The following FAM228B variants were observed in gnomAD, a reference collection of about 807,000 sequenced individuals.
FAM228B encodes the protein protein FAM228B.
A neutral mutation model predicts 42.6 loss-of-function variants in FAM228B; 38 were observed. The ratio of observed to expected loss-of-function variants is 0.89; its 90% CI spans 0.69 to 1.17. FAM228B has a LOEUF of 1.17. FAM228B is among the 50% of genes most tolerant of loss of function. FAM228B has a pLI of 0.00. For missense variants in FAM228B, 344 were observed against 367.3 expected, an observed-to-expected ratio of 0.94 and a Z score of 0.52; for synonymous variants, 109 against 122.3, an observed-to-expected ratio of 0.89 and a Z score of 0.72.
At chr2:24,130,120 A>G (rs753067237) in intron 2 of FAM228B, among the ~76,000 whole-genome samples, 1 of 152,122 alleles carries the variant, frequency 6.6e-6, no homozygotes, top group Non-Finnish European at 1.5e-5. Flanking sequence ...AGCTTCATCT[A>G]TGTCCCTGCA....
intron 2 of FAM228B, among the ~76,000 whole-genome samples, chr2:24,092,962 A>ACACC: frequency 6.6e-6 from 1 of 151,032 alleles, no homozygotes; most frequent in Non-Finnish European, 1.5e-5. Context: ...ACACACACAC[A>ACACC]CACACCATGT....
chr2:24,084,354 GGC>G lies in FAM228B; in HGVS notation c.-210+3400_-210+3401del. The G allele has an allele frequency of 1.7e-5, 23 of 1,389,092 alleles. No individual in the cohort carries two copies. Among genetic ancestry groups the G allele is most frequent in the Middle Eastern group, 1.9e-4 (1 of 5,278 alleles). The allele number at this position is 1,389,092 out of a possible 1,614,324, so 86.0% of individuals were successfully genotyped here. ...TGTCTGAGGACACAGGGCAGGGCAGGGCAGGACAGGACAGGGCAGGGCAGGGC... is the reference window on the plus strand; with the variant it reads ...TGTCTGAGGACACAGGGCAGGGCAGGAGGACAGGACAGGGCAGGGCAGGGC... On this transcript the variant is annotated intron_variant, in intron 2 of 10. Transcript: ENST00000613899. The surrounding 1 kb of genome is among the most constrained non-coding windows in gnomAD (Gnocchi z 8.4).
intron 5 of FAM228B, among the ~76,000 whole-genome samples, chr2:24,143,996 CA>C (rs59639444): frequency 0.012 from 1,521 of 129,244 alleles, 28 homozygotes; most frequent in African/African-American, 0.04. Flanking sequence ...CAGCAGTCTC[CA>C]AAAAAAAAAA....
At chr2:24,161,742 A>G in intron 8 of FAM228B, 129 bp downstream of exon 8, 2 of 645,124 alleles carry the variant, frequency 3.1e-6, no homozygotes, top group Non-Finnish European at 5.5e-6. Flanking sequence ...GTGGCAGGAC[A>G]CCGGGCATCT....
At chr2:24,116,267 G>T (rs1665913651) in intron 3 of FAM228B, among the ~76,000 whole-genome samples, 1 of 151,684 alleles carries the variant, frequency 6.6e-6, no homozygotes, top group South Asian at 2.1e-4. Flanking sequence ...GGCAGAGGTT[G>T]CAATGAGCTG....
At position 24,080,701 on chromosome 2, in the gene FAM228B, G is replaced by A. The variant is rs1392381118; in HGVS notation, c.-289-175G>A. ...ATAGTACTAGAATTTGGCCAGGGCA[G>A]CTGTTGTGCACTTAGCAGAGGTAAG... On this transcript the variant is annotated intron_variant, in intron 1 of 10. Coordinates refer to the FAM228B transcript ENST00000613899. The surrounding 1 kb of genome is among the most constrained non-coding windows in gnomAD (Gnocchi z 4.7). The A allele has an allele frequency of 8.1e-7, 1 of 1,233,402 alleles. No homozygotes were observed. The highest frequency in any genetic ancestry group is 1.2e-6 in the Non-Finnish European group (1 of 859,610). 76.4% of individuals were successfully genotyped at this position (1,233,402 alleles called of 1,614,324 possible). A position where few individuals can be genotyped will look rare whatever the true frequency, so the allele number is the denominator to read the frequency against.
upstream of FAM228B, among the ~76,000 whole-genome samples, chr2:24,119,315 G>C (rs1666023451): frequency 6.6e-6 from 1 of 152,164 alleles, no homozygotes; most frequent in African/African-American, 2.4e-5. Flanking sequence ...GCCAGGAAAG[G>C]AAACAGTTTG....
chr2:24,152,970 C>T (rs1392339363), intron 7 of FAM228B, among the ~76,000 whole-genome samples: 2 of 152,178 alleles, frequency 1.3e-5, no homozygotes, highest in Admixed American at 6.5e-5. Flanking sequence ...CTGTGGCCAC[C>T]ACCACCACTG....
At chr2:24,104,334 G>A (rs1452523483) in intron 3 of FAM228B, among the ~76,000 whole-genome samples, 2 of 152,202 alleles carry the variant, frequency 1.3e-5, no homozygotes, top group South Asian at 4.1e-4. Flanking sequence ...GCCAACTCTC[G>A]AGTCCAAGGG....
At chr2:24,085,771 G>C (rs1665224423) in intron 2 of FAM228B, 1 of 152,232 alleles carries the variant, frequency 6.6e-6, no homozygotes, top group East Asian at 1.9e-4. Context: ...ACTCATTGCA[G>C]TGGTCCCTAA....
chr2:24,154,359 C>CTT (rs757102596), intron 7 of FAM228B, among the ~76,000 whole-genome samples: 2 of 152,134 alleles, frequency 1.3e-5, no homozygotes, highest in Non-Finnish European at 2.9e-5. Flanking sequence ...ATCTGTCTGT[C>CTT]TTCTTTGGTG....
intron 9 of FAM228B, among the ~76,000 whole-genome samples, chr2:24,164,569 CG>C (rs1667357733): frequency 6.7e-6 from 1 of 150,166 alleles, no homozygotes; most frequent in East Asian, 2.0e-4. Context: ...TGGAGCCACA[CG>C]ATGAGGGTGC....
chr2:24,139,891 G>A (rs1218804937), intron 5 of FAM228B, among the ~76,000 whole-genome samples: 6 of 152,044 alleles, frequency 3.9e-5, no homozygotes, highest in Non-Finnish European at 8.8e-5. Context: ...TTATAAGAAT[G>A]GAGTTACATT....
intron 8 of FAM228B, 40 bp from the exon 9 acceptor site, chr2:24,164,158 G>C: frequency 2.0e-6 from 3 of 1,517,086 alleles, no homozygotes; most frequent in Non-Finnish European, 2.7e-6. Flanking sequence ...GTTGAGTTGA[G>C]AGTTAAGAGA....
At chr2:24,087,139 G>A (rs904403382) in intron 2 of FAM228B, 4 of 152,214 alleles carry the variant, frequency 2.6e-5, no homozygotes, top group Non-Finnish European at 5.9e-5. Context: ...CTTGGTCGAT[G>A]TAATCTTGCA....
chr2:24,084,187 A>T lies in FAM228B; in HGVS notation c.-210+3232A>T, dbSNP rs983573457. ...GCCCCGGCGCGGCTGAGCCCTGGGT[A>T]CCTGCATTAAGTCCGCCCGGTTCAG... On this transcript the variant is annotated intron_variant, in intron 2 of 10. Transcript: ENST00000613899. The surrounding 1 kb of genome is among the most constrained non-coding windows in gnomAD (Gnocchi z 8.4). 62 of 1,610,670 alleles carry T rather than the reference A, an allele frequency of 3.8e-5. No individual in the cohort carries two copies. The highest frequency in any genetic ancestry group is 4.9e-5 in the Non-Finnish European group (58 of 1,178,972).
chr2:24,078,831 AG>A (rs1043882081), intron 1 of FAM228B: 3 of 152,566 alleles, frequency 2.0e-5, no homozygotes, highest in Non-Finnish European at 4.4e-5. Context: ...ACATTCCCAA[AG>A]GTGGTACCTG....
intron 7 of FAM228B, among the ~76,000 whole-genome samples, chr2:24,158,669 A>G (rs1401915915): frequency 6.6e-6 from 1 of 152,170 alleles, no homozygotes; most frequent in Non-Finnish European, 1.5e-5. Context: ...TTTTGGTAAT[A>G]AGAGTCTCAG....
rs531102948 is a variant in FAM228B, at chr2:24,162,213, G to T, written c.794+600G>T. Among the ~76,000 whole-genome samples the T allele has an allele frequency of 4.6e-5, 7 of 152,268 alleles. No homozygotes were observed. In the East Asian group the frequency reaches 1.2e-3, roughly 25 times the overall value. On this transcript the variant is annotated intron_variant, in intron 8 of 10. Transcript: ENST00000615575. ...TAACAACTTGTACTAAAGCTAAAAGGTTAGGAGATTTAAAATTGAATTGGA... is the reference window on the plus strand; with the variant it reads ...TAACAACTTGTACTAAAGCTAAAAGTTTAGGAGATTTAAAATTGAATTGGA...
Sources: gnomAD v4.1 joint callset for allele counts (sites outside exome capture counted in the v4.1 genomes callset) on GRCh38, gnomAD v4.1.1 for gene constraint, Gnocchi (gnomAD v3.1) non-coding constraint, MANE v1.5 for transcripts, NCBI Gene and HGNC (gene_info 2026-07-23, HGNC 2026-07-21) for gene names.